DTWD1: variants seen among roughly 807,000 people sequenced by gnomAD.
DTWD1 encodes the protein DTW motif tRNA-uridine aminocarboxypropyltransferase 1.
In DTWD1, 27 loss-of-function variants were observed where a neutral mutation model predicts 30.2. The ratio of observed to expected loss-of-function variants is 0.90; its 90% CI spans 0.66 to 1.23. The LOEUF (loss-of-function observed/expected upper bound fraction) is 1.23, where lower values mean the gene tolerates loss of function less well. Ranked by LOEUF, DTWD1 falls within the 50% of genes most tolerant of loss-of-function variation. The pLI is 0.00. For missense variants in DTWD1, 342 were observed against 348.8 expected (o/e 0.98, Z 0.15); for synonymous variants, 99 against 113.1 (o/e 0.88, Z 0.79).
intron 4 of DTWD1, 86 bp from the exon 5 acceptor site, chr15:49,643,245 A>G (rs2079085695): frequency 1.5e-6 from 2 of 1,353,530 alleles, no homozygotes; most frequent in Non-Finnish European, 1.9e-6. Flanking sequence ...AAGAGAAATC[A>G]TTATTATTGT....
At chr15:49,624,257 A>G (rs556170312) in intron 1 of DTWD1, among the ~76,000 whole-genome samples, 1 of 152,244 alleles carries the variant, frequency 6.6e-6, no homozygotes, top group African/African-American at 2.4e-5. Context: ...TCGTAGTTAA[A>G]CCACAATGCC....
chr15:49,634,931 T>C, intron 4 of DTWD1, 137 bp downstream of exon 4: 1 of 744,964 alleles, frequency 1.3e-6, no homozygotes, highest in African/African-American at 1.9e-5. Context: ...TTCTCTCTTT[T>C]TATTATATAT....
At chr15:49,633,201 T>A (rs1171147409) in intron 3 of DTWD1, among the ~76,000 whole-genome samples, 1 of 151,736 alleles carries the variant, frequency 6.6e-6, no homozygotes, top group African/African-American at 2.4e-5. Context: ...TGTAGTGCTA[T>A]GTTCTGTAAG....
In DTWD1 at chr15:49,652,050, G is replaced by C. The variant is rs192641140; in HGVS notation, c.*8472G>C. ...TGTGCCCCAATATGAAGAATAAATG[G>C]GTCTTGGAACCCATTTATTCCTAGG... On this transcript the variant is annotated 3_prime_UTR_variant, in exon 5 of 5. Coordinates refer to ENST00000403028, the MANE Select transcript of DTWD1 (RefSeq NM_001144955.2). The C allele has an allele frequency of 6.6e-6, 1 of 152,014 alleles. No homozygotes were observed. Among genetic ancestry groups the C allele is most frequent in the East Asian group, 2.0e-4 (1 of 5,126 alleles). The allele number at this position is 152,014 out of a possible 1,614,324, so 9.4% of individuals were successfully genotyped here.
intron 2 of DTWD1, among the ~76,000 whole-genome samples, chr15:49,628,421 C>T (rs2078873566): frequency 6.6e-6 from 1 of 152,168 alleles, no homozygotes; most frequent in Non-Finnish European, 1.5e-5. Context: ...TATTGTATAG[C>T]ATGCTTTTAT....
Position 49,634,577 on chromosome 15 carries a change from AG to A in DTWD1, c.451del (p.Asp151IlefsTer39), listed in dbSNP as rs746871669. ...FPGPQSISIKDISFHLQKRIQ... is the reference protein window; with the variant it reads ...FPGPQSISIKXISFHLQKRIQ... ...CTGGACCTCAGTCTATCTCAATAAA[AG>A]ATATTTCTTTTCATCTGCAAAAAAG... On this transcript the variant is annotated frameshift_variant, in exon 4 of 5. Transcript: ENST00000403028. LOFTEE classifies it high-confidence loss of function. The A allele has an allele frequency of 3.1e-6, 5 of 1,613,332 alleles. No individual in the cohort carries two copies. The highest frequency in any genetic ancestry group is 1.7e-5 in the Admixed American group (1 of 59,892).
chr15:49,640,327 A>G (rs995163527), intron 4 of DTWD1, among the ~76,000 whole-genome samples: 1 of 152,128 alleles, frequency 6.6e-6, no homozygotes, highest in African/African-American at 2.4e-5. Flanking sequence ...TATCTGTGAT[A>G]TACTACAGTT....
chr15:49,631,671 A>G (rs2078922813), intron 2 of DTWD1, among the ~76,000 whole-genome samples: 1 of 152,162 alleles, frequency 6.6e-6, no homozygotes, highest in Admixed American at 6.5e-5. Flanking sequence ...AGGCTGGGGC[A>G]GAATTGCTTA....
At chr15:49,631,017 G>A (rs961472186) in intron 2 of DTWD1, 4 of 443,118 alleles carry the variant, frequency 9.0e-6, no homozygotes, top group Non-Finnish European at 1.8e-5. Flanking sequence ...CCATCAAGTT[G>A]CAGGAAAACC....
In DTWD1 at chr15:49,651,559, C is replaced by A. The variant is rs1003114025; in HGVS notation, c.*7981C>A. On this transcript the variant is annotated 3_prime_UTR_variant, in exon 5 of 5. Transcript: ENST00000403028. ...GCTGCTGCTGCTGTTGAATGTCCAA[C>A]CTACAAGCAACACAGACAATACTGC... The A allele has an allele frequency of 6.6e-6, 1 of 152,122 alleles. No individual in the cohort carries two copies. The highest frequency in any genetic ancestry group is 2.4e-5 in the African/African-American group (1 of 41,414). 9.4% of individuals were successfully genotyped at this position (152,122 alleles called of 1,614,324 possible). A position where few individuals can be genotyped will look rare whatever the true frequency, so the allele number is the denominator to read the frequency against.
rs1890608042 is a variant in DTWD1 at position 49,655,546 on chromosome 15, C to T, written c.*11968C>T. 1 of 151,880 alleles carries T rather than the reference C, an allele frequency of 6.6e-6. No homozygotes were observed. Among genetic ancestry groups the T allele is most frequent in the Non-Finnish European group, 1.5e-5 (1 of 67,946 alleles). The allele number at this position is 151,880 out of a possible 1,614,324, so 9.4% of individuals were successfully genotyped here. On this transcript the variant is annotated 3_prime_UTR_variant, in exon 5 of 5. Coordinates refer to ENST00000403028, the MANE Select transcript of DTWD1 (RefSeq NM_001144955.2). ...TTAGTCCACCCCATTAGAACAAAAG[C>T]AACTTCTATAAATATTGAGACATTC...
intron 2 of DTWD1, chr15:49,626,641 T>A (rs1255166099): frequency 1.2e-5 from 4 of 327,278 alleles, no homozygotes; most frequent in South Asian, 2.4e-5. Flanking sequence ...AAAAAAAAAA[T>A]AAGTTGTAGC....
At position 49,654,681 on chromosome 15, in the gene DTWD1, A is replaced by T. The variant is rs1210508805; in HGVS notation, c.*11103A>T. On this transcript the variant is annotated 3_prime_UTR_variant, in exon 5 of 5. Coordinates refer to ENST00000403028, the MANE Select transcript of DTWD1 (RefSeq NM_001144955.2). ...GACTTTTTTTCTTTAAAAAAATGAG[A>T]TTGTGGAACCTGAAAATACAGTGTA... 1 of 151,944 alleles carries T rather than the reference A, an allele frequency of 6.6e-6. No individual in the cohort carries two copies. The highest frequency in any genetic ancestry group is 2.4e-5 in the African/African-American group (1 of 41,382). 9.4% of individuals were successfully genotyped at this position (151,944 alleles called of 1,614,324 possible). A position where few individuals can be genotyped will look rare whatever the true frequency, so the allele number is the denominator to read the frequency against.
At chr15:49,632,338 A>T in intron 3 of DTWD1, 36 bp downstream of exon 3, 1 of 1,554,822 alleles carries the variant, frequency 6.4e-7, no homozygotes, top group Non-Finnish European at 8.6e-7. Context: ...TTCACATTGG[A>T]TATAAAAATG....
In DTWD1 at chr15:49,625,571, T is replaced by C. The variant is rs73406042; in HGVS notation, c.264+140T>C. The C allele has an allele frequency of 6.7e-3, 6,314 of 944,652 alleles. 306 individuals are homozygous for C. In the African/African-American group the frequency reaches 0.097, roughly 14 times the overall value. The allele number at this position is 944,652 out of a possible 1,614,324, so 58.5% of individuals were successfully genotyped here. On this transcript the variant is annotated intron_variant, in intron 2 of 4. Coordinates refer to ENST00000403028, the MANE Select transcript of DTWD1 (RefSeq NM_001144955.2). Reference sequence around the variant, plus strand: ...AGTGCTTGTTGCTGCAAAGAAAAACTAGCACTTAGACAGAAAATTTCTCAG... The same window carrying C: ...AGTGCTTGTTGCTGCAAAGAAAAACCAGCACTTAGACAGAAAATTTCTCAG...
rs2079107158 is a variant in DTWD1 at position 49,644,958 on chromosome 15, G to C, written c.*1380G>C. The C allele has an allele frequency of 6.6e-6, 1 of 151,828 alleles. No homozygotes were observed. The highest frequency in any genetic ancestry group is 1.5e-5 in the Non-Finnish European group (1 of 67,956). 9.4% of individuals were successfully genotyped at this position (151,828 alleles called of 1,614,324 possible). A position where few individuals can be genotyped will look rare whatever the true frequency, so the allele number is the denominator to read the frequency against. On this transcript the variant is annotated 3_prime_UTR_variant, in exon 5 of 5. Coordinates refer to ENST00000403028, the MANE Select transcript of DTWD1 (RefSeq NM_001144955.2). The stretch of plus-strand genomic sequence containing the variant: ...GGGACTCTGATAAATTCACCTGTTT[G>C]GGTGAAATAATAGCACATTTCCTGA...
chr15:49,643,600 C>A lies in DTWD1; in HGVS notation c.*22C>A. The A allele has an allele frequency of 6.4e-7, 1 of 1,551,960 alleles. No homozygotes were observed. Among genetic ancestry groups the A allele is most frequent in the Non-Finnish European group, 8.7e-7 (1 of 1,153,432 alleles). ...TTAGTTTTTAACAAGCCACTTATGT[C>A]TTTTTATTTTGCTAACATTAATAAA... On this transcript the variant is annotated 3_prime_UTR_variant, in exon 5 of 5. Transcript: ENST00000403028.
intron 3 of DTWD1, chr15:49,633,632 G>A: frequency 3.7e-6 from 1 of 272,542 alleles, no homozygotes; most frequent in Non-Finnish European, 7.2e-6. Flanking sequence ...ACTGTGCCCG[G>A]CCAAGATTTT....
In DTWD1 at chr15:49,649,479, C is replaced by T. The variant is rs1489777210; in HGVS notation, c.*5901C>T. ...AGGCCAGGCGCGGTGGCTCACGCCT[C>T]TAATCCCAGCACTTTAGGAGGCCAA... On this transcript the variant is annotated 3_prime_UTR_variant, in exon 5 of 5. Transcript: ENST00000403028. 6.6e-6 allele frequency: 1 copy of T among 152,112 alleles called. No homozygotes were observed. Among genetic ancestry groups the T allele is most frequent in the African/African-American group, 2.4e-5 (1 of 41,430 alleles). The allele number at this position is 152,112 out of a possible 1,614,324, so 9.4% of individuals were successfully genotyped here. A position where few individuals can be genotyped will look rare whatever the true frequency, so the allele number is the denominator to read the frequency against.
Sources: gnomAD v4.1 joint callset for allele counts (sites outside exome capture counted in the v4.1 genomes callset) on GRCh38, gnomAD v4.1.1 for gene constraint, MANE v1.5 for transcripts, NCBI Gene and HGNC (gene_info 2026-07-23, HGNC 2026-07-21) for gene names.